Variants in GUCY1A2 observed in about 807,000 individuals in gnomAD.
GUCY1A2 encodes the protein guanylate cyclase 1 soluble subunit alpha 2.
In GUCY1A2, 27 loss-of-function variants were observed where a neutral mutation model predicts 63.5. The observed-to-expected ratio is 0.43, with a 90% confidence interval of 0.31 to 0.59. GUCY1A2 has a LOEUF of 0.59. Among genes scored for constraint, GUCY1A2 ranks in the 20% least tolerant of loss-of-function variants. GUCY1A2 has a pLI of 0.11. For synonymous variants in GUCY1A2, 364 were observed against 343.5 expected, an observed-to-expected ratio of 1.06 and a Z score of -0.66; for missense variants, 768 against 913.3, an observed-to-expected ratio of 0.84 and a Z score of 2.05.
intron 1 of GUCY1A2, among the ~76,000 whole-genome samples, chr11:107,000,195 C>T (rs1450012422): frequency 3.9e-5 from 6 of 152,142 alleles, no homozygotes; most frequent in African/African-American, 1.4e-4. Flanking sequence ...AATGTGTTTA[C>T]AATGGCAATA....
chr11:106,813,138 CATCT>C (rs1326761082), intron 4 of GUCY1A2, among the ~76,000 whole-genome samples: 1 of 151,818 alleles, frequency 6.6e-6, no homozygotes, highest in Non-Finnish European at 1.5e-5. Context: ...AAAATATAAA[CATCT>C]ATCTAAGGTT....
At chr11:106,977,234 G>C (rs1288283736) in intron 3 of GUCY1A2, among the ~76,000 whole-genome samples, 2 of 152,100 alleles carry the variant, frequency 1.3e-5, no homozygotes, top group African/African-American at 2.4e-5. Context: ...AATGCATTAA[G>C]AGAAATGTAT....
At position 106,675,738 on chromosome 11, in the gene GUCY1A2, C is replaced by T. The variant is rs1019737648; in HGVS notation, c.*11811G>A. The T allele has an allele frequency of 5.2e-6, 1 of 190,496 alleles. No individual in the cohort carries two copies. Among genetic ancestry groups the T allele is most frequent in the African/African-American group, 2.3e-5 (1 of 42,882 alleles). 11.8% of individuals were successfully genotyped at this position (190,496 alleles called of 1,614,324 possible). A position where few individuals can be genotyped will look rare whatever the true frequency, so the allele number is the denominator to read the frequency against. ...CATTTCAAGACAAAGGTTTTCTTAA[C>T]AGTGAAAATCACAGGAAGAAAGTAA... On this transcript the variant is annotated 3_prime_UTR_variant, in exon 8 of 8. Transcript: ENST00000526355.
intron 4 of GUCY1A2, among the ~76,000 whole-genome samples, chr11:106,887,211 C>T (rs546039583): frequency 3.3e-5 from 5 of 152,122 alleles, no homozygotes; most frequent in South Asian, 4.2e-4. Context: ...TTATAATCAT[C>T]GAGTATATTA....
intron 4 of GUCY1A2, among the ~76,000 whole-genome samples, chr11:106,869,686 A>G (rs1859646764): frequency 2.0e-5 from 3 of 152,306 alleles, no homozygotes; most frequent in South Asian, 4.1e-4. Flanking sequence ...ACCATTGTGG[A>G]AGACAGTGTG....
chr11:107,010,370 C>T (rs1861726178), intron 1 of GUCY1A2, among the ~76,000 whole-genome samples: 1 of 152,178 alleles, frequency 6.6e-6, no homozygotes. Context: ...CATTTCTTCT[C>T]ATTTGACAGA....
rs140523333 is a variant in GUCY1A2, at chr11:106,723,530, T to G, written c.1837-14864A>C. On this transcript the variant is annotated intron_variant, in intron 6 of 7. Transcript: ENST00000526355. ...CTGGTACACAGCAGTGACTCAATAT[T>G]TAAGTAAAAAATGGCCAGGCTCAGT... Among the ~76,000 whole-genome samples the G allele has an allele frequency of 1.4e-3, 213 of 152,232 alleles. No individual in the cohort carries two copies. In the Middle Eastern group the frequency reaches 0.017, roughly 12 times the overall value.
At chr11:106,893,118 G>T (rs568593656) in intron 4 of GUCY1A2, among the ~76,000 whole-genome samples, 42 of 152,206 alleles carry the variant, frequency 2.8e-4, no homozygotes, top group Non-Finnish European at 5.6e-4. Context: ...AAAGGTATCT[G>T]TTCTTTTTGA....
chr11:106,748,039 T>C (rs1234249854), intron 6 of GUCY1A2, among the ~76,000 whole-genome samples: 60 of 152,200 alleles, frequency 3.9e-4, no homozygotes. Flanking sequence ...GGATTTCCCA[T>C]ATTCTTAAGC....
intron 4 of GUCY1A2, among the ~76,000 whole-genome samples, chr11:106,863,875 T>C (rs1486828105): frequency 1.3e-5 from 2 of 152,168 alleles, no homozygotes; most frequent in African/African-American, 2.4e-5. Flanking sequence ...TATTCCTGGG[T>C]ATTTTATTCT....
intron 5 of GUCY1A2, among the ~76,000 whole-genome samples, chr11:106,808,768 G>A (rs985059125): frequency 2.0e-5 from 3 of 152,092 alleles, no homozygotes; most frequent in Non-Finnish European, 4.4e-5. Context: ...GAAGGAAAGT[G>A]ATGCCAAATT....
chr11:106,974,948 G>A (rs903108109), intron 3 of GUCY1A2, among the ~76,000 whole-genome samples: 1 of 152,104 alleles, frequency 6.6e-6, no homozygotes, highest in African/African-American at 2.4e-5. Flanking sequence ...CTCAGTAAAT[G>A]AATTAACCTA....
intron 6 of GUCY1A2, among the ~76,000 whole-genome samples, chr11:106,717,232 A>G (rs1484299908): frequency 6.6e-6 from 1 of 152,204 alleles, no homozygotes; most frequent in African/African-American, 2.4e-5. Context: ...TGAAGTTTTC[A>G]TTCATAAGAT....
Position 106,725,062 on chromosome 11 carries a change from A to G in GUCY1A2, c.1837-16396T>C, listed in dbSNP as rs537248817. Among the ~76,000 whole-genome samples the G allele has an allele frequency of 5.3e-5, 8 of 151,826 alleles. No individual in the cohort carries two copies. In the South Asian group the frequency reaches 1.7e-3, roughly 32 times the overall value. On this transcript the variant is annotated intron_variant, in intron 6 of 7. Coordinates refer to ENST00000526355, the MANE Select transcript of GUCY1A2 (RefSeq NM_000855.3). The stretch of plus-strand genomic sequence containing the variant: ...ACTGTGCAGAAATAATTAGGATTGC[A>G]GACTGAATTATTTAAGAAATCCTTT...
At position 106,693,027 on chromosome 11, in the gene GUCY1A2, G is replaced by T. The variant is rs987941995; in HGVS notation, c.1992-5271C>A. Reference sequence around the variant, plus strand: ...TGTTTCAACAACTGGAAAGATCTGTGTAATGTGCAGAGCTATAAGAGAGTG... The same window carrying T: ...TGTTTCAACAACTGGAAAGATCTGTTTAATGTGCAGAGCTATAAGAGAGTG... On this transcript the variant is annotated intron_variant, in intron 7 of 7. Transcript: ENST00000526355. Among the ~76,000 whole-genome samples, 4 of 152,174 alleles carry T rather than the reference G, an allele frequency of 2.6e-5. No homozygotes were observed. In the East Asian group the frequency reaches 7.7e-4, roughly 29 times the overall value.
chr11:106,902,813 A>T (rs1860152548), intron 4 of GUCY1A2, among the ~76,000 whole-genome samples: 1 of 152,196 alleles, frequency 6.6e-6, no homozygotes, highest in South Asian at 2.1e-4. Flanking sequence ...TATATTAGAT[A>T]TTATAAATAA....
At chr11:106,907,169 G>C (rs1241520272) in intron 4 of GUCY1A2, among the ~76,000 whole-genome samples, 1 of 152,020 alleles carries the variant, frequency 6.6e-6, no homozygotes, top group Non-Finnish European at 1.5e-5. Flanking sequence ...CCAAAGAACT[G>C]TTGTTTCCAA....
intron 4 of GUCY1A2, among the ~76,000 whole-genome samples, chr11:106,866,642 C>T (rs1177959520): frequency 6.6e-6 from 1 of 151,962 alleles, no homozygotes; most frequent in Non-Finnish European, 1.5e-5. Context: ...ACATTTCTCC[C>T]TTAGTTTGCT....
At chr11:106,689,770 G>A (rs1169249107) in intron 7 of GUCY1A2, among the ~76,000 whole-genome samples, 2 of 152,072 alleles carry the variant, frequency 1.3e-5, no homozygotes, top group Non-Finnish European at 2.9e-5. Context: ...AAGGTGGGCA[G>A]ATCACGAGGT....
Sources: gnomAD v4.1 joint callset for allele counts (sites outside exome capture counted in the v4.1 genomes callset) on GRCh38, gnomAD v4.1.1 for gene constraint, MANE v1.5 for transcripts, NCBI Gene and HGNC (gene_info 2026-07-23, HGNC 2026-07-21) for gene names.